The following CYTIP variants were observed in gnomAD, a reference collection of about 807,000 sequenced individuals.
The protein encoded by CYTIP is cytohesin-interacting protein.
A neutral mutation model predicts 43.8 loss-of-function variants in CYTIP; 26 were observed. That is an observed-to-expected ratio of 0.59 (90% CI 0.44 to 0.82). The LOEUF (loss-of-function observed/expected upper bound fraction) is 0.82. Ranked by LOEUF, CYTIP falls within the 40% of genes least tolerant of loss-of-function variation. The pLI is 0.00. For missense variants in CYTIP, 426 were observed against 443.1 expected (o/e 0.96, Z 0.35); for synonymous variants, 162 against 162.9 (o/e 0.99, Z 0.04).
chr2:157,440,903 C>T (rs1247858363), intron 1 of CYTIP, among the ~76,000 whole-genome samples: 1 of 152,040 alleles, frequency 6.6e-6, no homozygotes, highest in Non-Finnish European at 1.5e-5. Context: ...TTAATTCCTC[C>T]TGTCTCCTTC....
At chr2:157,434,902 C>A (rs1363679364) in intron 1 of CYTIP, among the ~76,000 whole-genome samples, 155 bp from the exon 2 acceptor site, 1 of 140,120 alleles carries the variant, frequency 7.1e-6, no homozygotes, top group African/African-American at 2.7e-5. Flanking sequence ...CACACACAAC[C>A]TGTTCTTTAC....
In CYTIP at chr2:157,415,050, T is replaced by C. The variant is rs750679536; in HGVS notation, c.*627A>G. The C allele has an allele frequency of 6.6e-6, 1 of 152,282 alleles. No individual in the cohort carries two copies. Among genetic ancestry groups the C allele is most frequent in the Non-Finnish European group, 1.5e-5 (1 of 68,070 alleles). 9.4% of individuals were successfully genotyped at this position (152,282 alleles called of 1,614,324 possible). ...ACTGTCTATAAAAATGACTTTATTA[T>C]GATCTTTGCAGCACCCATCTCAGAC... On this transcript the variant is annotated 3_prime_UTR_variant, in exon 8 of 8. Coordinates refer to ENST00000264192, the MANE Select transcript of CYTIP (RefSeq NM_004288.5).
In CYTIP at chr2:157,435,274, T is replaced by C. The variant is rs970103142; in HGVS notation, c.175-527A>G. Among the ~76,000 whole-genome samples the C allele has an allele frequency of 2.0e-5, 3 of 152,202 alleles. No individual in the cohort carries two copies. In the South Asian group the frequency reaches 6.2e-4, roughly 31 times the overall value. On this transcript the variant is annotated intron_variant, in intron 1 of 7. Coordinates refer to ENST00000264192, the MANE Select transcript of CYTIP (RefSeq NM_004288.5). The stretch of plus-strand genomic sequence containing the variant: ...ATGATGATGAAATGACAGTGTTTAC[T>C]ATAATAATTCAATACGTTACTGTTT...
At chr2:157,441,207 A>G (rs1423551247) in intron 1 of CYTIP, among the ~76,000 whole-genome samples, 1 of 152,240 alleles carries the variant, frequency 6.6e-6, no homozygotes, top group Non-Finnish European at 1.5e-5. Context: ...AACAGTAGGC[A>G]GAGAAACACC....
intron 1 of CYTIP, 47 bp downstream of exon 1, chr2:157,443,800 C>T (rs375984423): frequency 1.0e-4 from 165 of 1,585,046 alleles, no homozygotes; most frequent in Non-Finnish European, 1.3e-4. Context: ...TCACTCTGCC[C>T]TCAAGAGAAT....
chr2:157,442,735 C>T (rs268777), intron 1 of CYTIP, among the ~76,000 whole-genome samples: 131,189 of 152,158 alleles, frequency 0.86, 56,670 homozygotes, highest in African/African-American at 0.91. Flanking sequence ...ATCTTCACTC[C>T]GAAAAATACC....
At chr2:157,428,714 T>A (rs1685651541) in intron 5 of CYTIP, among the ~76,000 whole-genome samples, 2 of 152,196 alleles carry the variant, frequency 1.3e-5, no homozygotes, top group African/African-American at 4.8e-5. Context: ...TCTGCACGGT[T>A]CCTCTCCTTT....
At chr2:157,419,110 T>G (rs1333592800) in intron 6 of CYTIP, among the ~76,000 whole-genome samples, 1 of 152,162 alleles carries the variant, frequency 6.6e-6, no homozygotes, top group Admixed American at 6.5e-5. Flanking sequence ...GCAATTCTTC[T>G]GCCTCAGCCT....
At chr2:157,439,694 A>G (rs1685873556) in intron 1 of CYTIP, among the ~76,000 whole-genome samples, 1 of 152,224 alleles carries the variant, frequency 6.6e-6, no homozygotes, top group South Asian at 2.1e-4. Context: ...AGGTTTAGCA[A>G]TTTGGCAGGC....
intron 6 of CYTIP, among the ~76,000 whole-genome samples, chr2:157,420,375 G>T (rs1216310453): frequency 1.3e-5 from 2 of 152,090 alleles, no homozygotes; most frequent in African/African-American, 4.8e-5. Context: ...AATTAGCTGG[G>T]TGTGATGGCA....
chr2:157,441,798 C>T (rs1210116344), intron 1 of CYTIP, among the ~76,000 whole-genome samples: 1 of 152,138 alleles, frequency 6.6e-6, no homozygotes, highest in African/African-American at 2.4e-5. Flanking sequence ...CTTTCAGTCT[C>T]CTTTCTGTTC....
chr2:157,434,640 T>C (rs956125382), intron 2 of CYTIP, 58 bp downstream of exon 2: 1 of 1,328,398 alleles, frequency 7.5e-7, no homozygotes, highest in African/African-American at 1.4e-5. Context: ...AAAAACAGTC[T>C]GGAGAGCTAT....
At chr2:157,417,757 G>T (rs1198638854) in intron 7 of CYTIP, among the ~76,000 whole-genome samples, 1 of 150,926 alleles carries the variant, frequency 6.6e-6, no homozygotes, top group Non-Finnish European at 1.5e-5. Flanking sequence ...GACTAGTTAA[G>T]GATTAAATTG....
At chr2:157,434,230 C>T in intron 3 of CYTIP, 140 bp downstream of exon 3, 1 of 730,436 alleles carries the variant, frequency 1.4e-6, no homozygotes, top group Non-Finnish European at 2.4e-6. Context: ...GAAAAACTAC[C>T]CCCAAACAGC....
chr2:157,416,226 T>C (rs1685439033), intron 7 of CYTIP, 83 bp from the exon 8 acceptor site: 1 of 1,159,040 alleles, frequency 8.6e-7, no homozygotes, highest in Admixed American at 2.6e-5. Context: ...TCTCTTTGAA[T>C]GACACGAGAA....
intron 6 of CYTIP, among the ~76,000 whole-genome samples, chr2:157,420,201 G>A (rs1685497164): frequency 6.6e-6 from 1 of 152,086 alleles, no homozygotes; most frequent in Admixed American, 6.6e-5. Flanking sequence ...AGCTGGGTAT[G>A]GTGGTGCACA....
chr2:157,418,832 A>G (rs540162758), intron 6 of CYTIP, among the ~76,000 whole-genome samples: 1 of 152,262 alleles, frequency 6.6e-6, no homozygotes, highest in South Asian at 2.1e-4. Context: ...AAGAAAAACA[A>G]TAAAATATAC....
chr2:157,440,288 A>C (rs536762712), intron 1 of CYTIP, among the ~76,000 whole-genome samples: 1 of 152,264 alleles, frequency 6.6e-6, no homozygotes, highest in East Asian at 1.9e-4. Flanking sequence ...GCAACAAAAT[A>C]ATGGAGCTGA....
At chr2:157,443,787 A>G in intron 1 of CYTIP, 60 bp downstream of exon 1, 1 of 1,534,868 alleles carries the variant, frequency 6.5e-7, no homozygotes, top group Non-Finnish European at 8.9e-7. Context: ...TCAGACAAAC[A>G]TATCACTCTG....
Sources: allele counts gnomAD v4.1 joint callset (sites outside exome capture counted in the v4.1 genomes callset), GRCh38; gene constraint gnomAD v4.1.1; transcripts MANE v1.5; gene names NCBI Gene and HGNC (gene_info 2026-07-23, HGNC 2026-07-21).